Variants in STK25 observed in about 807,000 individuals in gnomAD.
STK25 encodes the protein serine/threonine kinase 25.
STK25 carries 29 observed loss-of-function variants against 53.8 expected under a neutral mutation model. The observed-to-expected ratio is 0.54, with a 90% CI of 0.40 to 0.74. The LOEUF (loss-of-function observed/expected upper bound fraction) is 0.74. Ranked by LOEUF, STK25 falls within the 30% of genes least tolerant of loss-of-function variation. The probability of loss-of-function intolerance (pLI) is 0.00; values close to 1 mark genes in which losing one functional copy is unlikely to be tolerated. For synonymous variants in STK25, 247 were observed against 238.3 expected (o/e 1.04, Z -0.33); for missense variants, 420 against 568.0 (o/e 0.74, Z 2.65).
At position 241,501,697 on chromosome 2, in the gene STK25, C is replaced by CA; in HGVS notation, c.41dup (p.Asp15GlyfsTer3). 1 of 1,612,830 alleles carries CA rather than the reference C, an allele frequency of 6.2e-7. No individual in the cohort carries two copies. On this transcript the variant is annotated frameshift_variant, in exon 3 of 12. Coordinates refer to ENST00000316586, the MANE Select transcript of STK25 (RefSeq NM_001271977.2). LOFTEE classifies it high-confidence loss of function. This position sits in a 1 kb window ranked among gnomAD's most constrained non-coding sequence, Gnocchi z 5.3. ...GCTTGGTGAAGAGCTCCTCAGGGTCCACTCGAGAGTGCTGTGGGGCCAGGG... is the reference window on the plus strand; with the variant it reads ...GCTTGGTGAAGAGCTCCTCAGGGTCCAACTCGAGAGTGCTGTGGGGCCAGGG...
intron 2 of STK25, among the ~76,000 whole-genome samples, chr2:241,505,633 C>T (rs1219945768): frequency 6.6e-6 from 1 of 152,312 alleles, no homozygotes; most frequent in Admixed American, 6.5e-5. Flanking sequence ...GGTAGGGAAA[C>T]CCCTGGGTGG....
chr2:241,501,347 C>G lies in STK25; in HGVS notation c.261+131G>C. ...GGGCTCACACCCTGCCTGCCCAGGG[C>G]AGTTTCCCGGAGGGCATGCACTGAA... On this transcript the variant is annotated intron_variant, in intron 3 of 11. Coordinates refer to ENST00000316586, the MANE Select transcript of STK25 (RefSeq NM_001271977.2). This position sits in a 1 kb window ranked among gnomAD's most constrained non-coding sequence, Gnocchi z 5.3. 1 of 895,244 alleles carries G rather than the reference C, an allele frequency of 1.1e-6. No homozygotes were observed. Among genetic ancestry groups the G allele is most frequent in the Non-Finnish European group, 1.8e-6 (1 of 560,264 alleles). 55.5% of individuals were successfully genotyped at this position (895,244 alleles called of 1,614,324 possible). A position where few individuals can be genotyped will look rare whatever the true frequency, so the allele number is the denominator to read the frequency against.
intron 2 of STK25, chr2:241,504,068 G>A (rs1284495178): frequency 2.1e-6 from 1 of 471,082 alleles, no homozygotes; most frequent in Non-Finnish European, 4.4e-6. Flanking sequence ...ATCCCTTTTT[G>A]AGTGCCAGAC....
chr2:241,500,045 G>A, intron 5 of STK25, 128 bp downstream of exon 5: 2 of 762,656 alleles, frequency 2.6e-6, no homozygotes, highest in Non-Finnish European at 4.7e-6. Flanking sequence ...CAGTTTCAGG[G>A]TGGCCACAAG....
At chr2:241,500,996 A>G in intron 3 of STK25, 200 bp from the exon 4 acceptor site, 1 of 605,736 alleles carries the variant, frequency 1.7e-6, no homozygotes, top group East Asian at 2.8e-5. Flanking sequence ...CTCAGAGGAC[A>G]GGTTGAGTAC....
rs762618393 is a variant in STK25 at position 241,495,338 on chromosome 2, T to C, written c.*324A>G. 5 of 324,644 alleles carry C rather than the reference T, an allele frequency of 1.5e-5. No homozygotes were observed. The highest frequency in any genetic ancestry group is 4.3e-5 in the South Asian group (1 of 23,204). The allele number at this position is 324,644 out of a possible 1,614,324, so 20.1% of individuals were successfully genotyped here. A position where few individuals can be genotyped will look rare whatever the true frequency, so the allele number is the denominator to read the frequency against. ...CTCTGCGCCTTGGTCTGAGCGGCCA[T>C]AGGGCTGCATGAGTCTGCAGAAGAC... is the stretch of plus-strand genomic sequence containing the variant. On this transcript the variant is annotated 3_prime_UTR_variant, in exon 12 of 12. Transcript: ENST00000316586.
At position 241,501,478 on chromosome 2, in the gene STK25, C is replaced by T; in HGVS notation, c.261G>A (p.Lys87=). 6.2e-7 allele frequency: 1 copy of T among 1,613,892 alleles called. No individual in the cohort carries two copies. Among genetic ancestry groups the T allele is most frequent in the African/African-American group, 1.3e-5 (1 of 75,060 alleles). Residue 87 remains lysine, a splice_region_variant and synonymous_variant, in exon 3 of 12, where the codon AAG becomes AAA. Transcript: ENST00000316586. This position sits in a 1 kb window ranked among gnomAD's most constrained non-coding sequence, Gnocchi z 5.3. ...GTCCCCGCCTCCCCACAACAGGCACCTTTAGGTAGGAGCCAAAGTAGCGGG... is the reference window on the plus strand; with the variant it reads ...GTCCCCGCCTCCCCACAACAGGCACTTTTAGGTAGGAGCCAAAGTAGCGGG... ...YITRYFGSYL[K]STKLWIIMEY... is the part of the protein sequence containing the mutation.
chr2:241,508,174 T>C (rs1383300020), intron 1 of STK25, 39 bp from the exon 2 acceptor site: 2 of 1,403,246 alleles, frequency 1.4e-6, no homozygotes, highest in South Asian at 3.1e-5. Context: ...CCCAGTTCAG[T>C]CATCTGAGAC....
chr2:241,495,640 C>CCTAT lies in STK25; in HGVS notation c.*18_*21dup. Reference sequence around the variant, plus strand: ...AACAAAAACAAACGACCTTCCGTCCCCTATCTGAACAGCAGTGCGCTTCAG... The same window carrying CCTAT: ...AACAAAAACAAACGACCTTCCGTCCCCTATCTATCTGAACAGCAGTGCGCTTCAG... On this transcript the variant is annotated 3_prime_UTR_variant, in exon 12 of 12. Transcript: ENST00000316586. The CCTAT allele has an allele frequency of 6.2e-7, 1 of 1,614,044 alleles. No homozygotes were observed. The highest frequency in any genetic ancestry group is 1.3e-5 in the African/African-American group (1 of 75,060).
Position 241,501,488 on chromosome 2 carries a change from G to C in STK25, c.251C>G (p.Ser84Cys), listed in dbSNP as rs754735722. The part of the protein sequence containing the change: ...DSPYITRYFG[S>C]YLKSTKLWII... ...CCCCACAACAGGCACCTTTAGGTAG[G>C]AGCCAAAGTAGCGGGTGATGTAGGG... The change falls in exon 3 of 12, where the codon TCC (serine) becomes TGC (cysteine). Residue 84 changes from serine (S) to cysteine (C), a missense_variant. Physicochemically the swap from Ser to Cys is moderately radical, Grantham distance 112. Transcript: ENST00000316586. The surrounding 1 kb of genome is among the most constrained non-coding windows in gnomAD (Gnocchi z 5.3). 6.2e-7 allele frequency: 1 copy of C among 1,613,910 alleles called. No homozygotes were observed. Among genetic ancestry groups the C allele is most frequent in the Non-Finnish European group, 8.5e-7 (1 of 1,180,022 alleles).
At position 241,494,269 on chromosome 2, in the gene STK25, T is replaced by G. The variant is rs2065043248; in HGVS notation, c.*1393A>C. 4.5e-6 allele frequency: 2 copies of G among 444,042 alleles called. No individual in the cohort carries two copies. Among genetic ancestry groups the G allele is most frequent in the South Asian group, 9.4e-5 (1 of 10,670 alleles). The allele number at this position is 444,042 out of a possible 1,614,324, so 27.5% of individuals were successfully genotyped here. A position where few individuals can be genotyped will look rare whatever the true frequency, so the allele number is the denominator to read the frequency against. ...GCACCAGCAGTGTGGGTGGGCCTCA[T>G]GTAACATCTGGGAGGGGCTTCATCC... On this transcript the variant is annotated 3_prime_UTR_variant, in exon 12 of 12. Coordinates refer to ENST00000316586, the MANE Select transcript of STK25 (RefSeq NM_001271977.2). This position sits in a 1 kb window ranked among gnomAD's most constrained non-coding sequence, Gnocchi z 4.9.
At chr2:241,499,768 C>T (rs1011690584) in intron 5 of STK25, 11 of 469,300 alleles carry the variant, frequency 2.3e-5, no homozygotes, top group African/African-American at 1.2e-4. Context: ...CCACCAGAAT[C>T]GTCCCCTACA....
rs910882129 is a variant in STK25 at position 241,495,354 on chromosome 2, T to C, written c.*308A>G. 1 of 388,618 alleles carries C rather than the reference T, an allele frequency of 2.6e-6. No homozygotes were observed. Among genetic ancestry groups the C allele is most frequent in the Non-Finnish European group, 4.8e-6 (1 of 208,718 alleles). The allele number at this position is 388,618 out of a possible 1,614,324, so 24.1% of individuals were successfully genotyped here. The stretch of plus-strand genomic sequence containing the variant: ...GAGCGGCCATAGGGCTGCATGAGTC[T>C]GCAGAAGACCCAGGCGTAGCTCATG... On this transcript the variant is annotated 3_prime_UTR_variant, in exon 12 of 12. Coordinates refer to ENST00000316586, the MANE Select transcript of STK25 (RefSeq NM_001271977.2).
At chr2:241,503,088 G>A (rs187933547) in intron 2 of STK25, among the ~76,000 whole-genome samples, 1 of 152,040 alleles carries the variant, frequency 6.6e-6, no homozygotes, top group Non-Finnish European at 1.5e-5. Flanking sequence ...TTTTGAGATG[G>A]CTTCTCACTC....
chr2:241,507,577 C>T (rs1316284044), intron 2 of STK25, among the ~76,000 whole-genome samples: 7 of 152,246 alleles, frequency 4.6e-5, no homozygotes, highest in Non-Finnish European at 1.5e-5. Context: ...CCAGGGTCTC[C>T]CCTACAGCCC....
Position 241,499,753 on chromosome 2 carries a change from C to G in STK25, c.428-339G>C, listed in dbSNP as rs1477363710. 6.3e-6 allele frequency: 3 copies of G among 479,510 alleles called. No homozygotes were observed. The Admixed American group carries it at 1.0e-4, about 16-fold the overall frequency. 29.7% of individuals were successfully genotyped at this position (479,510 alleles called of 1,614,324 possible). On this transcript the variant is annotated intron_variant, in intron 5 of 11. Transcript: ENST00000316586. The stretch of plus-strand genomic sequence containing the variant: ...CAACACGGGCCTGCCAGGAAGCCCC[C>G]TGCTCCACCAGAATCGTCCCCTACA...
Position 241,508,074 on chromosome 2 carries a change from A to C in STK25, c.-39T>G. 6.3e-7 allele frequency: 1 copy of C among 1,582,496 alleles called. No homozygotes were observed. The highest frequency in any genetic ancestry group is 8.6e-7 in the Non-Finnish European group (1 of 1,166,102). ...CAGACCCTCCGCCAGCAGCCCCAGG[A>C]GGCGTCTGGATCCCGCGGAGAGGCG... On this transcript the variant is annotated 5_prime_UTR_variant, in exon 2 of 12. Transcript: ENST00000316586.
Position 241,501,799 on chromosome 2 carries a change from C to G in STK25, c.31-91G>C, listed in dbSNP as rs1451417923. On this transcript the variant is annotated intron_variant, in intron 2 of 11. Transcript: ENST00000316586. The surrounding 1 kb of genome is among the most constrained non-coding windows in gnomAD (Gnocchi z 5.3). ...GGCTGCCCTGCTGGGGAGGAAGGGA[C>G]CTGTAGGGAAGGGGGAGTCCAAGGG... is the stretch of plus-strand genomic sequence containing the variant. The G allele has an allele frequency of 3.3e-6, 3 of 915,886 alleles. No individual in the cohort carries two copies. In the African/African-American group the frequency reaches 4.9e-5, roughly 15 times the overall value. The allele number at this position is 915,886 out of a possible 1,614,324, so 56.7% of individuals were successfully genotyped here.
In STK25 at chr2:241,493,896, C is replaced by G; in HGVS notation, c.*1766G>C. On this transcript the variant is annotated 3_prime_UTR_variant, in exon 12 of 12. Coordinates refer to ENST00000316586, the MANE Select transcript of STK25 (RefSeq NM_001271977.2). ...ATAGGCATGAGCCACCGCACCCGGC[C>G]CCAGGTTTTTAACCCTTCTTTTGTC... 2 of 653,758 alleles carry G rather than the reference C, an allele frequency of 3.1e-6. No individual in the cohort carries two copies. The highest frequency in any genetic ancestry group is 4.9e-6 in the Non-Finnish European group (2 of 404,742). The allele number at this position is 653,758 out of a possible 1,614,324, so 40.5% of individuals were successfully genotyped here.
Sources: gnomAD v4.1 joint callset for allele counts (sites outside exome capture counted in the v4.1 genomes callset) on GRCh38, gnomAD v4.1.1 for gene constraint, Gnocchi (gnomAD v3.1) non-coding constraint, MANE v1.5 for transcripts, NCBI Gene and HGNC (gene_info 2026-07-23, HGNC 2026-07-21) for gene names.